Variants in PAQR3 observed in about 807,000 individuals in gnomAD.
PAQR3 encodes the protein progestin and adipoQ receptor family member 3.
Under a neutral mutation model 41.7 loss-of-function variants are expected in PAQR3, and 39 were observed. The ratio of observed to expected loss-of-function variants is 0.93; its 90% CI spans 0.72 to 1.22. PAQR3 has a LOEUF of 1.22. Ranked by LOEUF, PAQR3 falls within the 50% of genes most tolerant of loss-of-function variation. The pLI is 0.00. For missense variants in PAQR3, 366 were observed against 385.6 expected, an observed-to-expected ratio of 0.95 and a Z score of 0.42; for synonymous variants, 140 against 140.6, an observed-to-expected ratio of 1.00 and a Z score of 0.03.
chr4:78,905,920 T>C (rs1424088963), intron 11 of PAQR3, among the ~76,000 whole-genome samples: 1 of 152,034 alleles, frequency 6.6e-6, no homozygotes, highest in Non-Finnish European at 1.5e-5. Context: ...CATTGTATAG[T>C]TATAACCAAC....
chr4:78,907,018 C>T (rs1384870446), downstream of PAQR3, among the ~76,000 whole-genome samples: 1 of 151,842 alleles, frequency 6.6e-6, no homozygotes, highest in Non-Finnish European at 1.5e-5. Flanking sequence ...AGGAGGGTTT[C>T]CTTTTTACTC....
chr4:78,895,637 A>C (rs1236891815), intron 11 of PAQR3, among the ~76,000 whole-genome samples: 4 of 152,148 alleles, frequency 2.6e-5, no homozygotes, highest in African/African-American at 9.7e-5. Context: ...TTATTAATGG[A>C]AGTTGGGATG....
intron 11 of PAQR3, among the ~76,000 whole-genome samples, chr4:78,894,292 A>G (rs1417386122): frequency 6.6e-6 from 1 of 152,238 alleles, no homozygotes; most frequent in Non-Finnish European, 1.5e-5. Context: ...CTATAGCTCT[A>G]AAAGTCCTAG....
chr4:78,935,380 G>C, intron 1 of PAQR3, 97 bp from the exon 2 acceptor site: 2 of 912,266 alleles, frequency 2.2e-6, no homozygotes, highest in African/African-American at 1.7e-5. Flanking sequence ...CCTAATACTT[G>C]CTCCTTTAAG....
At chr4:78,910,705 GATC>G (rs1410461238), downstream of PAQR3, 1 of 1,612,930 alleles carries the variant, frequency 6.2e-7, no homozygotes, top group African/African-American at 1.3e-5. Context: ...AGCATCTAAA[GATC>G]AGCGGACTGG....
At chr4:78,887,911 T>G (rs995548340) in intron 12 of PAQR3, 1 of 152,244 alleles carries the variant, frequency 6.6e-6, no homozygotes, top group South Asian at 2.1e-4. Flanking sequence ...TTAGAAGAAG[T>G]TATGCTTTAT....
At chr4:78,922,067 A>G in intron 5 of PAQR3, 1 of 1,034,542 alleles carries the variant, frequency 9.7e-7, no homozygotes, top group African/African-American at 1.7e-5. Context: ...TTAGTGTTCT[A>G]CTTGTCTTGC....
intron 11 of PAQR3, among the ~76,000 whole-genome samples, chr4:78,905,175 T>C (rs2110100923): frequency 6.6e-6 from 1 of 151,994 alleles, no homozygotes; most frequent in South Asian, 2.1e-4. Context: ...TTAAGTTTTG[T>C]TTACAGATAT....
At chr4:78,890,404 G>GCGCACACA (rs1553920701) in intron 11 of PAQR3, among the ~76,000 whole-genome samples, 4 of 147,968 alleles carry the variant, frequency 2.7e-5, no homozygotes, top group African/African-American at 7.4e-5. Flanking sequence ...ACAATCATGC[G>GCGCACACA]CACACACACA....
At position 78,939,312 on chromosome 4, in the gene PAQR3, C is replaced by A; in HGVS notation, c.-88G>T. 1 of 1,289,018 alleles carries A rather than the reference C, an allele frequency of 7.8e-7. No homozygotes were observed. The highest frequency in any genetic ancestry group is 1.0e-6 in the Non-Finnish European group (1 of 977,624). 79.8% of individuals were successfully genotyped at this position (1,289,018 alleles called of 1,614,324 possible). On this transcript the variant is annotated 5_prime_UTR_variant, in exon 1 of 6. Transcript: ENST00000512733. ...GGGGCTTCGCCGCTGGCGCCCCCGC[C>A]CCGGAGCCCGCGGACGCTGCGCGAG...
intron 3 of PAQR3, among the ~76,000 whole-genome samples, chr4:78,928,904 A>T (rs1271019101): frequency 6.6e-6 from 1 of 152,258 alleles, no homozygotes; most frequent in African/African-American, 2.4e-5. Context: ...GATGGGAGAC[A>T]GTGACAGATC....
chr4:78,906,820 G>T (rs930497164), intron 10 of PAQR3, among the ~76,000 whole-genome samples: 1 of 152,098 alleles, frequency 6.6e-6, no homozygotes, highest in Non-Finnish European at 1.5e-5. Flanking sequence ...ATGTGTTCAG[G>T]CACCGTTCTA....
At chr4:78,910,526 C>T, downstream of PAQR3, 1 of 1,103,536 alleles carries the variant, frequency 9.1e-7, no homozygotes, top group Non-Finnish European at 1.3e-6. Flanking sequence ...TTTGTAATGC[C>T]ATGTGTAATA....
rs1735299240 is a variant in PAQR3, at chr4:78,918,333, CAAT to C, written c.*2203_*2205del. ...ACTTTAAAATATTTTTTAATGTTAACAATGTCTTCAAAATTTTACCAGTAGTGC... is the reference window on the plus strand; with the variant it reads ...ACTTTAAAATATTTTTTAATGTTAACGTCTTCAAAATTTTACCAGTAGTGC... On this transcript the variant is annotated 3_prime_UTR_variant, in exon 6 of 6. Transcript: ENST00000512733. 1.0e-6 allele frequency: 1 copy of C among 974,312 alleles called. No homozygotes were observed. The highest frequency in any genetic ancestry group is 1.8e-5 in the African/African-American group (1 of 56,910). The allele number at this position is 974,312 out of a possible 1,614,324, so 60.4% of individuals were successfully genotyped here. A position where few individuals can be genotyped will look rare whatever the true frequency, so the allele number is the denominator to read the frequency against.
chr4:78,892,252 T>C (rs536301510), intron 11 of PAQR3, among the ~76,000 whole-genome samples: 1 of 152,334 alleles, frequency 6.6e-6, no homozygotes, highest in East Asian at 1.9e-4. Context: ...ACATATTTAA[T>C]ATCTTTAATA....
intron 11 of PAQR3, among the ~76,000 whole-genome samples, chr4:78,903,081 A>G (rs1734096668): frequency 6.6e-6 from 1 of 151,882 alleles, no homozygotes; most frequent in Admixed American, 6.6e-5. Flanking sequence ...GATGTCTGAA[A>G]TTTTCCCACC....
chr4:78,891,436 G>A (rs1733431376), intron 11 of PAQR3, among the ~76,000 whole-genome samples: 1 of 152,078 alleles, frequency 6.6e-6, no homozygotes, highest in African/African-American at 2.4e-5. Context: ...GTATTTTCTT[G>A]CTGTATATGC....
chr4:78,904,413 C>A (rs1005831087), intron 11 of PAQR3, among the ~76,000 whole-genome samples: 1 of 151,910 alleles, frequency 6.6e-6, no homozygotes, highest in Non-Finnish European at 1.5e-5. Flanking sequence ...TTTGTGTCCT[C>A]TTGACACTTA....
intron 2 of PAQR3, among the ~76,000 whole-genome samples, chr4:78,931,582 T>C (rs577848799): frequency 2.8e-4 from 42 of 152,190 alleles, no homozygotes; most frequent in African/African-American, 8.9e-4. Flanking sequence ...ACAGAATCAC[T>C]GAACAAACAG....
Sources: gnomAD v4.1 joint callset for allele counts (sites outside exome capture counted in the v4.1 genomes callset) on GRCh38, gnomAD v4.1.1 for gene constraint, MANE v1.5 for transcripts, NCBI Gene and HGNC (gene_info 2026-07-23, HGNC 2026-07-21) for gene names.